Variants in ERBB4 observed in about 807,000 individuals in gnomAD.
ERBB4 encodes the protein erb-b2 receptor tyrosine kinase 4, also known as receptor tyrosine-protein kinase erbB-4.
ERBB4 carries 42 observed loss-of-function variants against 158.0 expected under a neutral mutation model. That is an observed-to-expected ratio of 0.27 (90% CI 0.21 to 0.34). The LOEUF (loss-of-function observed/expected upper bound fraction) is 0.34, where lower values mean the gene tolerates loss of function less well. Ranked by LOEUF, ERBB4 falls within the 10% of genes least tolerant of loss-of-function variation. The pLI, the probability that ERBB4 is intolerant of heterozygous loss-of-function variation, is 1.00. For synonymous variants in ERBB4, 583 were observed against 558.7 expected (o/e 1.04, Z -0.61); for missense variants, 1,333 against 1,624.1 (o/e 0.82, Z 3.08).
At chr2:212,442,811 A>T (rs186449025) in intron 1 of ERBB4, among the ~76,000 whole-genome samples, 1 of 152,312 alleles carries the variant, frequency 6.6e-6, no homozygotes, top group East Asian at 1.9e-4. Context: ...AAAATCATAA[A>T]TCAAAGACAA....
At chr2:211,897,840 C>T (rs2079138882) in intron 3 of ERBB4, among the ~76,000 whole-genome samples, 1 of 152,012 alleles carries the variant, frequency 6.6e-6, no homozygotes, top group Non-Finnish European at 1.5e-5. Flanking sequence ...AACTCCTGGC[C>T]TCAAGGGATC....
intron 19 of ERBB4, among the ~76,000 whole-genome samples, chr2:211,575,073 T>C (rs1255279297): frequency 6.6e-6 from 1 of 152,200 alleles, no homozygotes; most frequent in East Asian, 1.9e-4. Flanking sequence ...GATTCTAAAT[T>C]CCTTAAGTAG....
intron 2 of ERBB4, among the ~76,000 whole-genome samples, chr2:211,978,388 G>T (rs201619434): frequency 8.9e-6 from 1 of 112,482 alleles, no homozygotes; most frequent in Admixed American, 8.9e-5. Flanking sequence ...CTGTCTGTCT[G>T]TCTGTCTGTC....
At chr2:212,495,776 C>T (rs1041144293) in intron 1 of ERBB4, among the ~76,000 whole-genome samples, 1 of 152,164 alleles carries the variant, frequency 6.6e-6, no homozygotes. Flanking sequence ...CATACAGGTA[C>T]AGAATTGGAA....
intron 1 of ERBB4, among the ~76,000 whole-genome samples, chr2:212,297,422 G>T (rs1215157200): frequency 1.3e-5 from 2 of 151,956 alleles, no homozygotes; most frequent in East Asian, 3.9e-4. Context: ...AGATTAAATC[G>T]ATGGTATATA....
chr2:212,252,037 T>C (rs1459411053), intron 1 of ERBB4, among the ~76,000 whole-genome samples: 3 of 152,008 alleles, frequency 2.0e-5, no homozygotes, highest in East Asian at 3.9e-4. Context: ...GGATTCTAGA[T>C]ATATTTTTAA....
At position 212,002,990 on chromosome 2, in the gene ERBB4, C is replaced by G. The variant is rs74348598; in HGVS notation, c.235-55374G>C. Among the ~76,000 whole-genome samples, 7 of 149,658 alleles carry G rather than the reference C, an allele frequency of 4.7e-5. No homozygotes were observed. In the South Asian group the frequency reaches 1.5e-3, roughly 32 times the overall value. On this transcript the variant is annotated intron_variant, in intron 2 of 27. Transcript: ENST00000342788. ...AGGAGAATTGCTTGAACCCGGGAGG[C>G]GGAGAGTGGACTGAGATTGTGCCAC...
intron 1 of ERBB4, among the ~76,000 whole-genome samples, chr2:212,352,749 T>G (rs1210556555): frequency 1.3e-5 from 2 of 151,974 alleles, no homozygotes; most frequent in Non-Finnish European, 2.9e-5. Context: ...GCACCTGTAA[T>G]CCCAGCTACT....
At chr2:212,044,953 TC>T (rs1012910165) in intron 2 of ERBB4, among the ~76,000 whole-genome samples, 101 of 152,182 alleles carry the variant, frequency 6.6e-4, no homozygotes, top group African/African-American at 2.3e-3. Context: ...GGCTCAAAGA[TC>T]TAATGAGCCT....
chr2:211,512,279 C>A (rs549122331), intron 20 of ERBB4, among the ~76,000 whole-genome samples: 15 of 152,088 alleles, frequency 9.9e-5, no homozygotes, highest in Middle Eastern at 3.4e-3. Context: ...CATAGACATG[C>A]GGTTTTTCCT....
intron 1 of ERBB4, among the ~76,000 whole-genome samples, chr2:212,313,837 T>G (rs575722832): frequency 4.3e-4 from 65 of 151,264 alleles, no homozygotes; most frequent in African/African-American, 1.6e-3. Context: ...CTTGCAACTT[T>G]CATTAACTAC....
chr2:212,275,567 C>T (rs950808343), intron 1 of ERBB4, among the ~76,000 whole-genome samples: 9 of 151,658 alleles, frequency 5.9e-5, no homozygotes, highest in African/African-American at 2.2e-4. Context: ...ATTTCATATC[C>T]AGCCAAACTG....
At chr2:211,673,528 A>AAAAAAAAAAAAAAAAAAAAAAAAAAAAAG (rs1432231391) in intron 13 of ERBB4, among the ~76,000 whole-genome samples, 2 of 149,882 alleles carry the variant, frequency 1.3e-5, no homozygotes, top group South Asian at 4.3e-4. Context: ...AAAAAAAAAA[A>AAAAAAAAAAAAAAAAAAAAAAAAAAAAAG]AAGCTACAAA....
intron 3 of ERBB4, among the ~76,000 whole-genome samples, chr2:211,821,344 C>A (rs2076991217): frequency 6.6e-6 from 1 of 151,828 alleles, no homozygotes; most frequent in Non-Finnish European, 1.5e-5. Flanking sequence ...AGGAAAACTA[C>A]AAAACACTGA....
chr2:211,477,543 G>C (rs1241049562), intron 20 of ERBB4, among the ~76,000 whole-genome samples: 1 of 151,982 alleles, frequency 6.6e-6, no homozygotes, highest in Non-Finnish European at 1.5e-5. Context: ...TTCTGGGTTG[G>C]GTGGCAAAAT....
At chr2:211,738,697 TC>T (rs1434404628) in intron 5 of ERBB4, among the ~76,000 whole-genome samples, 2 of 151,052 alleles carry the variant, frequency 1.3e-5, no homozygotes, top group African/African-American at 4.9e-5. Flanking sequence ...AGATGGAGTT[TC>T]CTCTGTCGCC....
intron 2 of ERBB4, among the ~76,000 whole-genome samples, chr2:212,052,426 T>C (rs905693031): frequency 6.6e-6 from 1 of 152,092 alleles, no homozygotes; most frequent in Admixed American, 6.5e-5. Flanking sequence ...ATCCTGTGAG[T>C]CAATACTCCT....
chr2:211,630,685 C>T (rs2125873941), intron 16 of ERBB4, 91 bp from the exon 17 acceptor site: 1 of 1,146,718 alleles, frequency 8.7e-7, no homozygotes, highest in Admixed American at 2.1e-5. Context: ...AGACATTATC[C>T]ACATTTCACA....
At chr2:211,829,426 G>A (rs1447230965) in intron 3 of ERBB4, among the ~76,000 whole-genome samples, 4 of 151,738 alleles carry the variant, frequency 2.6e-5, no homozygotes, top group African/African-American at 4.8e-5. Context: ...ACTTATTTTG[G>A]TTACCGTTAA....
Sources: allele counts gnomAD v4.1 joint callset (sites outside exome capture counted in the v4.1 genomes callset), GRCh38; gene constraint gnomAD v4.1.1; transcripts MANE v1.5; gene names NCBI Gene and HGNC (gene_info 2026-07-23, HGNC 2026-07-21).